The following NRG2 variants were observed in gnomAD, a reference collection of about 807,000 sequenced individuals.
NRG2 encodes the protein neuregulin 2, also known as pro-neuregulin-2, membrane-bound isoform.
Under a neutral mutation model 73.9 loss-of-function variants are expected in NRG2, and 27 were observed. The observed-to-expected ratio is 0.37, with a 90% CI of 0.27 to 0.50. The LOEUF (loss-of-function observed/expected upper bound fraction) is 0.50, where lower values mean the gene tolerates loss of function less well. NRG2 is among the 20% of genes least tolerant of loss of function. NRG2 has a pLI of 0.96. For missense variants in NRG2, 1,126 were observed against 1,210.1 expected (o/e 0.93, Z 1.03); for synonymous variants, 532 against 541.0 (o/e 0.98, Z 0.23).
chr5:139,941,573 G>A (rs1753406602), intron 1 of NRG2, among the ~76,000 whole-genome samples: 1 of 152,044 alleles, frequency 6.6e-6, no homozygotes, highest in Non-Finnish European at 1.5e-5. Flanking sequence ...GATTTTAATT[G>A]AGCATATTCA....
chr5:139,971,619 AG>A lies in NRG2; in HGVS notation c.700+70750del, dbSNP rs1407414578. ...ATGTAAAAAAAATCAAGCATTCTCA[AG>A]TGCATGAGCAATATGCAATTAGAAA... On this transcript the variant is annotated intron_variant, in intron 1 of 9. Transcript: ENST00000361474. Among the ~76,000 whole-genome samples the A allele has an allele frequency of 7.2e-5, 11 of 152,386 alleles. No individual in the cohort carries two copies. In the East Asian group the frequency reaches 2.1e-3, roughly 29 times the overall value.
chr5:139,960,418 G>A (rs1391051372), intron 1 of NRG2, among the ~76,000 whole-genome samples: 1 of 152,210 alleles, frequency 6.6e-6, no homozygotes, highest in Non-Finnish European at 1.5e-5. Context: ...GGGAGGCTGA[G>A]GCAGGAGAAT....
In NRG2 at chr5:140,043,294, G is replaced by T. The variant is rs961756355; in HGVS notation, c.-225C>A. On this transcript the variant is annotated 5_prime_UTR_variant, in exon 1 of 10. Transcript: ENST00000361474. This position sits in a 1 kb window ranked among gnomAD's most constrained non-coding sequence, Gnocchi z 6.7. ...CCACCCTGTGCGCCAGGACCTGGAG[G>T]AGGATGCGGAGGATGGGACGCCCGC... The T allele has an allele frequency of 1.0e-4, 55 of 540,958 alleles. No homozygotes were observed. Among genetic ancestry groups the T allele is most frequent in the Non-Finnish European group, 1.6e-4 (51 of 310,492 alleles). 33.5% of individuals were successfully genotyped at this position (540,958 alleles called of 1,614,324 possible).
At chr5:139,906,923 A>C (rs1041243347) in intron 1 of NRG2, among the ~76,000 whole-genome samples, 1 of 152,204 alleles carries the variant, frequency 6.6e-6, no homozygotes, top group African/African-American at 2.4e-5. Context: ...GTATCAGCAC[A>C]TCCAATATCC....
chr5:139,952,140 T>C (rs1231118859), intron 1 of NRG2, among the ~76,000 whole-genome samples: 1 of 152,224 alleles, frequency 6.6e-6, no homozygotes, highest in Non-Finnish European at 1.5e-5. Flanking sequence ...ACCAATATAA[T>C]ATATTTAAAG....
At position 140,034,242 on chromosome 5, in the gene NRG2, G is replaced by A. The variant is rs910688796; in HGVS notation, c.700+8128C>T. On this transcript the variant is annotated intron_variant, in intron 1 of 9. Transcript: ENST00000361474. ...GCCCAAGTGCTGGGATTACAGGCGT[G>A]AGCCACCATGCCCGGCCACAAAAGA... is the stretch of plus-strand genomic sequence containing the variant. Among the ~76,000 whole-genome samples the A allele has an allele frequency of 2.8e-4, 42 of 152,216 alleles. 3 individuals are homozygous for A. The East Asian group carries it at 7.9e-3, about 29-fold the overall frequency.
At chr5:139,967,727 A>C (rs1252619132) in intron 1 of NRG2, among the ~76,000 whole-genome samples, 1 of 152,002 alleles carries the variant, frequency 6.6e-6, no homozygotes, top group Non-Finnish European at 1.5e-5. Context: ...TAATCCTAGC[A>C]CTCTGGGAGG....
chr5:139,859,427 G>A lies in NRG2; in HGVS notation c.1190-3649C>T, dbSNP rs73791212. Among the ~76,000 whole-genome samples the A allele has an allele frequency of 1.1e-3, 168 of 152,340 alleles. 1 individual carries two copies. The highest frequency in any genetic ancestry group is 3.7e-3 in the African/African-American group (152 of 41,582). On this transcript the variant is annotated intron_variant, in intron 5 of 9. Coordinates refer to ENST00000361474, the MANE Select transcript of NRG2 (RefSeq NM_004883.3). ...ATGAAAAGCAATGAACATGGAAATG[G>A]GGAATGGAAAGAAGACTAAAGTCAA...
At chr5:139,987,143 G>A (rs1255572292) in intron 1 of NRG2, among the ~76,000 whole-genome samples, 13 of 151,870 alleles carry the variant, frequency 8.6e-5, no homozygotes, top group African/African-American at 1.2e-4. Context: ...AGGCCGAGGC[G>A]GGCAGATTGC....
At chr5:139,995,531 C>G (rs1757958675) in intron 1 of NRG2, among the ~76,000 whole-genome samples, 1 of 152,182 alleles carries the variant, frequency 6.6e-6, no homozygotes, top group African/African-American at 2.4e-5. Context: ...AGGCTTCCTC[C>G]CAGGCATTGC....
chr5:139,908,786 G>C (rs1765410826), intron 1 of NRG2, among the ~76,000 whole-genome samples: 1 of 152,256 alleles, frequency 6.6e-6, no homozygotes, highest in Non-Finnish European at 1.5e-5. Context: ...CTGATGCTTA[G>C]TTCCTGGGTC....
intron 1 of NRG2, among the ~76,000 whole-genome samples, chr5:139,957,307 C>CTCTG (rs1733798328): frequency 6.9e-6 from 1 of 143,888 alleles, no homozygotes; most frequent in South Asian, 2.4e-4. Context: ...TCAAGAATCT[C>CTCTG]TGTGTGTGTG....
At chr5:139,998,244 T>C (rs1758177118) in intron 1 of NRG2, among the ~76,000 whole-genome samples, 1 of 152,104 alleles carries the variant, frequency 6.6e-6, no homozygotes, top group African/African-American at 2.4e-5. Context: ...GTTTCTACTC[T>C]GGAAAGATGA....
At chr5:139,969,893 C>A (rs1209103901) in intron 1 of NRG2, among the ~76,000 whole-genome samples, 1 of 152,138 alleles carries the variant, frequency 6.6e-6, no homozygotes, top group Admixed American at 6.5e-5. Context: ...AATAATATTG[C>A]AAATGGAGTG....
In NRG2 at chr5:139,914,762, G is replaced by T. The variant is rs557630407; in HGVS notation, c.701-27251C>A. ...CCGTTTCTTAGTTCTGTTTGCCCAG[G>T]TGCCCGCCCCACCCACTAGCTCTGA... On this transcript the variant is annotated intron_variant, in intron 1 of 9. Transcript: ENST00000361474. 5.9e-5 allele frequency among the ~76,000 whole-genome samples: 9 copies of T among 152,282 alleles called. No individual in the cohort carries two copies. In the East Asian group the frequency reaches 1.5e-3, roughly 26 times the overall value.
At chr5:139,951,212 T>C (rs1186198901) in intron 1 of NRG2, among the ~76,000 whole-genome samples, 1 of 152,234 alleles carries the variant, frequency 6.6e-6, no homozygotes, top group Admixed American at 6.5e-5. Flanking sequence ...TCCCTCACTT[T>C]CTGTGCTTCA....
Position 139,848,136 on chromosome 5 carries a change from G to C in NRG2, c.2334C>G (p.Asp778Glu). The C allele has an allele frequency of 1.4e-6, 2 of 1,467,358 alleles. No homozygotes were observed. The highest frequency in any genetic ancestry group is 1.8e-6 in the Non-Finnish European group (2 of 1,116,730). The allele number at this position is 1,467,358 out of a possible 1,614,324, so 90.9% of individuals were successfully genotyped here. A position where few individuals can be genotyped will look rare whatever the true frequency, so the allele number is the denominator to read the frequency against. ...GSGGGSASAS[D>E]DDADDADGAL... The stretch of plus-strand genomic sequence containing the variant: ...CCCCGTCCGCGTCGTCCGCGTCGTC[G>C]TCCGACGCCGAGGCTGAGCCGCCGC... Residue 778 changes from aspartate (D) to glutamate (E), a missense_variant, in exon 10 of 10, where the codon GAC becomes GAG. Physicochemically the swap from Asp to Glu is conservative, Grantham distance 45. Around this residue, in one of 3 missense-constraint regions of NRG2, gnomAD observed 402 missense variants for 357.8 expected, o/e 1.12. Transcript: ENST00000361474.
chr5:139,980,333 A>C (rs1185799271), intron 1 of NRG2, among the ~76,000 whole-genome samples: 2 of 146,552 alleles, frequency 1.4e-5, no homozygotes, highest in African/African-American at 5.3e-5. Flanking sequence ...AATTCACAGG[A>C]TGTTCACAGC....
intron 1 of NRG2, among the ~76,000 whole-genome samples, chr5:139,977,774 C>G (rs1756485518): frequency 6.6e-6 from 1 of 152,136 alleles, no homozygotes; most frequent in Non-Finnish European, 1.5e-5. Flanking sequence ...GAACAGAGCC[C>G]TCAGAAATAA....
Sources: gnomAD v4.1 joint callset for allele counts (sites outside exome capture counted in the v4.1 genomes callset) on GRCh38, gnomAD v4.1.1 for gene constraint, gnomAD v4.1.1 regional missense constraint, Gnocchi (gnomAD v3.1) non-coding constraint, MANE v1.5 for transcripts, NCBI Gene and HGNC (gene_info 2026-07-23, HGNC 2026-07-21) for gene names.